The following ACBD6 variants were observed in gnomAD, a reference collection of about 807,000 sequenced individuals.
The protein encoded by ACBD6 is acyl-CoA binding domain containing 6.
In ACBD6, 28 loss-of-function variants were observed where a neutral mutation model predicts 37.2. The observed-to-expected ratio is 0.75, with a 90% CI of 0.56 to 1.03. ACBD6 has a LOEUF of 1.03. Ranked by LOEUF, ACBD6 falls within the 50% of genes least tolerant of loss-of-function variation. The pLI is 0.00. For missense variants in ACBD6, 340 were observed against 337.4 expected, an observed-to-expected ratio of 1.01 and a Z score of -0.06; for synonymous variants, 113 against 126.8, an observed-to-expected ratio of 0.89 and a Z score of 0.73.
At chr1:180,435,977 T>C in intron 3 of ACBD6, 1 of 1,038,064 alleles carries the variant, frequency 9.6e-7, no homozygotes, top group Non-Finnish European at 1.5e-6. Flanking sequence ...TTTTAAACTA[T>C]TTTGCAGCAT....
chr1:180,488,544 T>C, intron 3 of ACBD6, among the ~76,000 whole-genome samples: 1 of 151,980 alleles, frequency 6.6e-6, no homozygotes, highest in East Asian at 1.9e-4. Flanking sequence ...CTCATATAAA[T>C]ATAGGTCTAA....
chr1:180,410,049 G>A (rs1341379915), intron 5 of ACBD6, among the ~76,000 whole-genome samples: 1 of 152,252 alleles, frequency 6.6e-6, no homozygotes, highest in Non-Finnish European at 1.5e-5. Flanking sequence ...TATGGAAAAA[G>A]TGAGTGGTCT....
chr1:180,439,063 G>A (rs1649174629), intron 3 of ACBD6, among the ~76,000 whole-genome samples: 1 of 152,122 alleles, frequency 6.6e-6, no homozygotes, highest in South Asian at 2.1e-4. Context: ...TTAGCATTAT[G>A]CATTTAAGGT....
chr1:180,451,960 T>C (rs921250158), intron 3 of ACBD6, among the ~76,000 whole-genome samples: 4 of 152,172 alleles, frequency 2.6e-5, no homozygotes, highest in Non-Finnish European at 5.9e-5. Context: ...GACTATACTT[T>C]CAGGGGTCAT....
At chr1:180,359,209 A>G (rs1181281983) in intron 6 of ACBD6, among the ~76,000 whole-genome samples, 3 of 152,188 alleles carry the variant, frequency 2.0e-5, no homozygotes, top group African/African-American at 7.2e-5. Flanking sequence ...CTTAATCCCA[A>G]AGGAAGCACA....
chr1:180,343,781 A>T (rs183824484), intron 6 of ACBD6, among the ~76,000 whole-genome samples: 43 of 152,260 alleles, frequency 2.8e-4, no homozygotes, highest in African/African-American at 1.0e-3. Flanking sequence ...CAAAACAAAA[A>T]CAAACAGGCC....
chr1:180,311,469 A>G (rs1158923296), intron 7 of ACBD6, among the ~76,000 whole-genome samples: 1 of 152,066 alleles, frequency 6.6e-6, no homozygotes, highest in Non-Finnish European at 1.5e-5. Flanking sequence ...ACAGGGTCTT[A>G]CTCTGTCAAC....
At chr1:180,360,882 G>A (rs1652821097) in intron 6 of ACBD6, among the ~76,000 whole-genome samples, 1 of 152,074 alleles carries the variant, frequency 6.6e-6, no homozygotes, top group African/African-American at 2.4e-5. Context: ...CTTCACATAA[G>A]GTTTTTCCAT....
chr1:180,349,361 T>C (rs1018589686), intron 6 of ACBD6, among the ~76,000 whole-genome samples: 13 of 151,770 alleles, frequency 8.6e-5, no homozygotes, highest in African/African-American at 3.1e-4. Flanking sequence ...GTTCACGCCA[T>C]TCTCCTGCCT....
At chr1:180,339,382 T>G (rs184443478) in intron 6 of ACBD6, among the ~76,000 whole-genome samples, 162 of 152,200 alleles carry the variant, frequency 1.1e-3, no homozygotes, top group Non-Finnish European at 1.2e-3. Context: ...TCCTTTGTAG[T>G]GACATGGATG....
chr1:180,370,196 G>T (rs1412973643), intron 6 of ACBD6, among the ~76,000 whole-genome samples: 1 of 152,178 alleles, frequency 6.6e-6, no homozygotes, highest in Non-Finnish European at 1.5e-5. Flanking sequence ...TTAAACAAAG[G>T]ATATCACAGA....
chr1:180,382,899 A>T (rs191263781), intron 6 of ACBD6, among the ~76,000 whole-genome samples: 1 of 152,340 alleles, frequency 6.6e-6, no homozygotes, highest in East Asian at 1.9e-4. Flanking sequence ...AACATACACA[A>T]ATTAATAAAT....
intron 3 of ACBD6, among the ~76,000 whole-genome samples, chr1:180,463,460 A>T (rs1035207452): frequency 1.3e-5 from 2 of 152,184 alleles, no homozygotes; most frequent in Non-Finnish European, 2.9e-5. Flanking sequence ...TCTATAAGAA[A>T]TGGATAAATT....
chr1:180,444,385 T>C (rs1266986517), intron 3 of ACBD6, among the ~76,000 whole-genome samples: 1 of 152,162 alleles, frequency 6.6e-6, no homozygotes, highest in Non-Finnish European at 1.5e-5. Flanking sequence ...TCCCCTTTCC[T>C]GGGATTAGTT....
chr1:180,494,945 C>A (rs1034052460), intron 2 of ACBD6, among the ~76,000 whole-genome samples: 1 of 152,112 alleles, frequency 6.6e-6, no homozygotes, highest in African/African-American at 2.4e-5. Flanking sequence ...TTTGGCTTTT[C>A]ACTGAATTTT....
intron 6 of ACBD6, among the ~76,000 whole-genome samples, chr1:180,395,917 T>C (rs1654243389): frequency 6.6e-6 from 1 of 152,286 alleles, no homozygotes; most frequent in African/African-American, 2.4e-5. Flanking sequence ...GCCACAGATA[T>C]TGGAATAAAC....
intron 3 of ACBD6, among the ~76,000 whole-genome samples, chr1:180,475,084 T>C (rs1376960185): frequency 2.6e-5 from 4 of 152,146 alleles, no homozygotes; most frequent in South Asian, 2.1e-4. Flanking sequence ...GATCAAGAAA[T>C]AGAATATTAC....
chr1:180,489,975 G>A (rs1651430417), intron 3 of ACBD6, among the ~76,000 whole-genome samples: 2 of 152,082 alleles, frequency 1.3e-5, no homozygotes, highest in East Asian at 3.9e-4. Context: ...CATTTTAAGA[G>A]TAATAGTTAA....
chr1:180,493,055 C>G (rs1651568369), intron 2 of ACBD6, among the ~76,000 whole-genome samples: 1 of 151,770 alleles, frequency 6.6e-6, no homozygotes, highest in Non-Finnish European at 1.5e-5. Context: ...TTGAGACCAG[C>G]CTGGCCAACA....
Sources: allele counts gnomAD v4.1 joint callset (sites outside exome capture counted in the v4.1 genomes callset), GRCh38; gene constraint gnomAD v4.1.1; transcripts MANE v1.5; gene names NCBI Gene and HGNC (gene_info 2026-07-23, HGNC 2026-07-21).